The following NEK6 variants were observed in gnomAD, a reference collection of about 807,000 sequenced individuals.
NEK6 encodes NIMA related kinase 6, also known as serine/threonine-protein kinase Nek6.
NEK6 carries 27 observed loss-of-function variants against 43.5 expected under a neutral mutation model. The observed-to-expected ratio is 0.62, with a 90% CI of 0.46 to 0.86. The LOEUF (loss-of-function observed/expected upper bound fraction) is 0.86, where lower values mean the gene tolerates loss of function less well. Among genes scored for constraint, NEK6 ranks in the 40% least tolerant of loss-of-function variants. The pLI is 0.00. For synonymous variants in NEK6, 167 were observed against 164.1 expected (o/e 1.02, Z -0.14); for missense variants, 318 against 414.4 (o/e 0.77, Z 2.02).
chr9:124,290,083 G>A (rs1213760260), intron 1 of NEK6, among the ~76,000 whole-genome samples: 5 of 152,236 alleles, frequency 3.3e-5, no homozygotes, highest in Non-Finnish European at 5.9e-5. Flanking sequence ...GTGATTACGC[G>A]CCAGCCCCGT....
At chr9:124,334,795 G>A (rs1194359362) in intron 7 of NEK6, among the ~76,000 whole-genome samples, 1 of 152,208 alleles carries the variant, frequency 6.6e-6, no homozygotes, top group Non-Finnish European at 1.5e-5. Context: ...CGGGCTGAGG[G>A]CCAGGCACTC....
intron 2 of NEK6, among the ~76,000 whole-genome samples, chr9:124,306,147 G>C (rs1833245274): frequency 6.6e-6 from 1 of 152,088 alleles, no homozygotes; most frequent in Non-Finnish European, 1.5e-5. Flanking sequence ...GGGAGAGAGG[G>C]TTCCAGAGAC....
intron 1 of NEK6, among the ~76,000 whole-genome samples, chr9:124,279,167 A>G (rs1379830917): frequency 1.3e-5 from 2 of 152,102 alleles, no homozygotes; most frequent in African/African-American, 4.8e-5. Context: ...TTTCCCACCA[A>G]GAAAGAGCAG....
chr9:124,259,164 T>TGC (rs1830926304), intron 1 of NEK6: 1 of 152,392 alleles, frequency 6.6e-6, no homozygotes. Context: ...TTTGTGTGTG[T>TGC]GCGTGCTCTC....
intron 1 of NEK6, among the ~76,000 whole-genome samples, chr9:124,272,224 G>A (rs899715712): frequency 1.3e-5 from 2 of 152,222 alleles, no homozygotes; most frequent in Non-Finnish European, 2.9e-5. Flanking sequence ...AGGCCACAGG[G>A]CAGGCTCTCA....
intron 1 of NEK6, among the ~76,000 whole-genome samples, chr9:124,298,198 C>T (rs1201325294): frequency 6.6e-6 from 1 of 152,024 alleles, no homozygotes; most frequent in Non-Finnish European, 1.5e-5. Context: ...CTCATCCCTT[C>T]CTTTCTCCCT....
At chr9:124,258,525 G>A (rs943671230) in intron 1 of NEK6, among the ~76,000 whole-genome samples, 11 of 152,362 alleles carry the variant, frequency 7.2e-5, no homozygotes, top group African/African-American at 2.6e-4. Flanking sequence ...GCAAGCACAT[G>A]CGTGAGCCTA....
intron 2 of NEK6, among the ~76,000 whole-genome samples, chr9:124,308,412 G>T (rs1191541845): frequency 1.3e-5 from 2 of 152,158 alleles, no homozygotes; most frequent in African/African-American, 2.4e-5. Flanking sequence ...AGCACTTTGG[G>T]AGGCCGAGGC....
At chr9:124,283,576 GC>G (rs1832020792) in intron 1 of NEK6, among the ~76,000 whole-genome samples, 3 of 152,230 alleles carry the variant, frequency 2.0e-5, no homozygotes, top group Non-Finnish European at 2.9e-5. Flanking sequence ...CTGGGTGCCA[GC>G]CCTGGCTCTG....
chr9:124,290,490 C>T (rs145312570), intron 1 of NEK6, among the ~76,000 whole-genome samples: 2 of 152,390 alleles, frequency 1.3e-5, no homozygotes, highest in Non-Finnish European at 2.9e-5. Context: ...CTCACGCGTC[C>T]TCCAGGGCCT....
chr9:124,296,980 C>T (rs1055464393), intron 1 of NEK6, among the ~76,000 whole-genome samples: 1 of 152,264 alleles, frequency 6.6e-6, no homozygotes, highest in African/African-American at 2.4e-5. Context: ...CCTAGGGTCA[C>T]AGCCCACATT....
intron 4 of NEK6, among the ~76,000 whole-genome samples, chr9:124,319,620 T>C (rs967875495): frequency 3.3e-5 from 5 of 152,256 alleles, no homozygotes; most frequent in African/African-American, 1.2e-4. Context: ...AATCTTGATT[T>C]AATTTTTACA....
chr9:124,268,953 A>AGCAGAGTCTCGGC (rs1482106994), intron 1 of NEK6, among the ~76,000 whole-genome samples: 11 of 152,136 alleles, frequency 7.2e-5, no homozygotes, highest in African/African-American at 2.4e-4. Context: ...GGAGGCTCGG[A>AGCAGAGTCTCGGC]GCAGAGTCTC....
At chr9:124,341,741 G>C (rs1184616447) in intron 8 of NEK6, among the ~76,000 whole-genome samples, 1 of 152,028 alleles carries the variant, frequency 6.6e-6, no homozygotes, top group East Asian at 1.9e-4. Flanking sequence ...TGTGTGGGTG[G>C]GCTCGGGGGA....
intron 2 of NEK6, among the ~76,000 whole-genome samples, chr9:124,303,740 G>A (rs1451529068): frequency 6.6e-6 from 1 of 152,222 alleles, no homozygotes; most frequent in Non-Finnish European, 1.5e-5. Flanking sequence ...GGACACTGTG[G>A]GTCCAGAGTC....
chr9:124,334,521 C>T (rs957102792), intron 7 of NEK6, among the ~76,000 whole-genome samples: 3 of 152,206 alleles, frequency 2.0e-5, no homozygotes, highest in Admixed American at 6.5e-5. Context: ...TCTCTGCCCA[C>T]GTGCCCAGGC....
chr9:124,258,315 C>T (rs146647752), intron 1 of NEK6: 28,201 of 985,124 alleles, frequency 0.029, 405 homozygotes, highest in Middle Eastern at 0.052. Context: ...TGCGCGTCCC[C>T]GGCGGGTGTG....
rs529804570 is a variant in NEK6, at chr9:124,347,007, G to A, written c.718-702G>A. 2.6e-5 allele frequency among the ~76,000 whole-genome samples: 4 copies of A among 152,364 alleles called. No individual in the cohort carries two copies. In the South Asian group the frequency reaches 8.3e-4, roughly 32 times the overall value. Reference sequence around the variant, plus strand: ...AAACTGAAGTCCAGAGACACAGCGAGTGCAGAGCTGGGGTCGGGACAGAGC... The same window carrying A: ...AAACTGAAGTCCAGAGACACAGCGAATGCAGAGCTGGGGTCGGGACAGAGC... On this transcript the variant is annotated intron_variant, in intron 8 of 9. Transcript: ENST00000320246.
At chr9:124,331,259 C>CCAAA (rs1828974855) in intron 7 of NEK6, among the ~76,000 whole-genome samples, 1 of 95,282 alleles carries the variant, frequency 1.0e-5, no homozygotes, top group African/African-American at 4.0e-5. Flanking sequence ...GACTCTGTCT[C>CCAAA]AAAAAAAAAA....
Sources: allele counts gnomAD v4.1 joint callset (sites outside exome capture counted in the v4.1 genomes callset), GRCh38; gene constraint gnomAD v4.1.1; transcripts MANE v1.5; gene names NCBI Gene and HGNC (gene_info 2026-07-23, HGNC 2026-07-21).